LRRC31: variants seen among roughly 807,000 people sequenced by gnomAD.
LRRC31 encodes leucine rich repeat containing 31.
In LRRC31, 35 loss-of-function variants were observed where a neutral mutation model predicts 46.7. The ratio of observed to expected loss-of-function variants is 0.75; its 90% CI spans 0.57 to 0.99. LRRC31 has a LOEUF of 0.99. Among genes scored for constraint, LRRC31 ranks in the 50% least tolerant of loss-of-function variants. The pLI is 0.00. For synonymous variants in LRRC31, 236 were observed against 235.1 expected, an observed-to-expected ratio of 1.00 and a Z score of -0.03; for missense variants, 613 against 626.1, an observed-to-expected ratio of 0.98 and a Z score of 0.22.
rs1781167582 is a variant in LRRC31 at position 169,861,723 on chromosome 3, T to C, written c.266A>G (p.Lys89Arg). Residue 89 changes from lysine (K) to arginine (R), a missense_variant, in exon 2 of 9, where the codon AAG becomes AGG. Physicochemically the swap from Lys to Arg is conservative, Grantham distance 26. Transcript: ENST00000316428. The stretch of plus-strand genomic sequence containing the variant: ...TCCACAGTTATTCAAATCTAGACAC[T>C]TGTTGACAGCCTTTTTGCCCAGCTT... ...LQKLGKKAVN[K>R]CLDLNNCGLT... The C allele has an allele frequency of 6.2e-7, 1 of 1,614,064 alleles. No homozygotes were observed. The highest frequency in any genetic ancestry group is 1.1e-5 in the South Asian group (1 of 91,086).
At chr3:169,841,862 T>C (rs1298699978) in intron 8 of LRRC31, among the ~76,000 whole-genome samples, 2 of 151,512 alleles carry the variant, frequency 1.3e-5, no homozygotes, top group Non-Finnish European at 2.9e-5. Context: ...CTGGCCAAGA[T>C]AGTGAAACCC....
intron 8 of LRRC31, among the ~76,000 whole-genome samples, chr3:169,841,151 G>A (rs1339921343): frequency 1.3e-5 from 2 of 152,206 alleles, no homozygotes; most frequent in Admixed American, 1.3e-4. Context: ...GTTCTTTCAA[G>A]TTTGCCCCAG....
chr3:169,861,770 C>CTGGA lies in LRRC31; in HGVS notation c.218_219insTCCA (p.Glu73AspfsTer5). 2 of 1,614,176 alleles carry CTGGA rather than the reference C, an allele frequency of 1.2e-6. No individual in the cohort carries two copies. The highest frequency in any genetic ancestry group is 1.7e-5 in the Admixed American group (1 of 60,022). ...GCTTCTGCAGGAAATGCTCATTTTT[C>CTGGA]TCCATACTGGATCTCCATTCCATTT... On this transcript the variant is annotated frameshift_variant, in exon 2 of 9. Coordinates refer to ENST00000316428, the MANE Select transcript of LRRC31 (RefSeq NM_024727.4). LOFTEE classifies it high-confidence loss of function.
intron 3 of LRRC31, 148 bp from the exon 4 acceptor site, chr3:169,857,020 GA>G: frequency 4.8e-6 from 3 of 631,086 alleles, no homozygotes; most frequent in Non-Finnish European, 7.5e-6. Flanking sequence ...GAGAAGGAAA[GA>G]ACCCAATTCC....
At chr3:169,855,440 A>G (rs1454245079) in intron 5 of LRRC31, among the ~76,000 whole-genome samples, 1 of 152,196 alleles carries the variant, frequency 6.6e-6, no homozygotes, top group African/African-American at 2.4e-5. Flanking sequence ...GCTTCCTAAG[A>G]TCTGCATACA....
At chr3:169,855,955 G>A (rs113980855) in intron 5 of LRRC31, among the ~76,000 whole-genome samples, 3,211 of 151,842 alleles carry the variant, frequency 0.021, 51 homozygotes, top group Non-Finnish European at 0.036. Flanking sequence ...ACATCGGCTC[G>A]CTGCAACCTC....
rs1004777113 is a variant in LRRC31, at chr3:169,840,271, A to C, written c.1370T>G (p.Leu457Arg). 6.2e-7 allele frequency: 1 copy of C among 1,614,062 alleles called. No individual in the cohort carries two copies. Among genetic ancestry groups the C allele is most frequent in the African/African-American group, 1.3e-5 (1 of 74,918 alleles). The part of the protein sequence containing the change: ...QTGHLAKLQK[L>R]DLSYNDSICD... ...GATGCTGTCATTGTAGCTCAGGTCC[A>C]GCTTTTGCAGTTTGGCCAGATGACC... is the stretch of plus-strand genomic sequence containing the variant. The change falls in exon 9 of 9, where the codon CTG becomes CGG. Residue 457 changes from leucine to arginine, a missense_variant. Coordinates refer to ENST00000316428, the MANE Select transcript of LRRC31 (RefSeq NM_024727.4).
At chr3:169,846,510 C>T (rs1267496221) in intron 8 of LRRC31, among the ~76,000 whole-genome samples, 1 of 152,066 alleles carries the variant, frequency 6.6e-6, no homozygotes, top group Non-Finnish European at 1.5e-5. Context: ...ATTAGCCAGG[C>T]GTGGTGGCAT....
chr3:169,863,822 G>A (rs1781244970), intron 1 of LRRC31, among the ~76,000 whole-genome samples: 1 of 152,142 alleles, frequency 6.6e-6, no homozygotes, highest in Non-Finnish European at 1.5e-5. Flanking sequence ...TTTTGGGTGG[G>A]GCAGAGCAGA....
intron 8 of LRRC31, 88 bp from the exon 9 acceptor site, chr3:169,840,401 A>C: frequency 7.5e-7 from 1 of 1,325,902 alleles, no homozygotes; most frequent in Non-Finnish European, 1.1e-6. Flanking sequence ...ATCTCCAGGA[A>C]TAGTAATGAC....
chr3:169,867,834 C>T (rs186209955), intron 1 of LRRC31, among the ~76,000 whole-genome samples: 2 of 152,122 alleles, frequency 1.3e-5, no homozygotes, highest in African/African-American at 4.8e-5. Flanking sequence ...TTTTCATAAC[C>T]CTTGAATTTG....
At chr3:169,854,373 A>G (rs1179775666) in intron 6 of LRRC31, among the ~76,000 whole-genome samples, 1 of 152,230 alleles carries the variant, frequency 6.6e-6, no homozygotes, top group Admixed American at 6.5e-5. Flanking sequence ...CAAAGCAGTA[A>G]CGTACAGCCA....
At chr3:169,844,404 G>A (rs762570367) in intron 8 of LRRC31, among the ~76,000 whole-genome samples, 6 of 151,812 alleles carry the variant, frequency 4.0e-5, no homozygotes, top group East Asian at 1.9e-4. Context: ...GACAAAATTC[G>A]TTATAAGAAC....
chr3:169,865,437 C>T (rs116015252), intron 1 of LRRC31, among the ~76,000 whole-genome samples: 3,658 of 144,754 alleles, frequency 0.025, 75 homozygotes, highest in Non-Finnish European at 0.036. Flanking sequence ...CTTTTCCTAG[C>T]TGTGTTAGCT....
intron 6 of LRRC31, among the ~76,000 whole-genome samples, chr3:169,852,709 A>G (rs990974321): frequency 2.0e-4 from 30 of 152,194 alleles, no homozygotes; most frequent in African/African-American, 7.2e-4. Flanking sequence ...ACTATTACCA[A>G]GGCAGAAAAT....
chr3:169,863,351 G>A (rs1310730726), intron 1 of LRRC31, among the ~76,000 whole-genome samples: 1 of 152,220 alleles, frequency 6.6e-6, no homozygotes, highest in Non-Finnish European at 1.5e-5. Flanking sequence ...GTTCTGGAAT[G>A]AGCAGTAATA....
intron 3 of LRRC31, 69 bp from the exon 4 acceptor site, chr3:169,856,941 A>G: frequency 6.8e-7 from 1 of 1,464,284 alleles, no homozygotes; most frequent in Non-Finnish European, 9.3e-7. Context: ...TTTCAGAATC[A>G]GCACAACCAT....
At chr3:169,850,077 GT>G (rs1250891105) in intron 7 of LRRC31, among the ~76,000 whole-genome samples, 2 of 152,032 alleles carry the variant, frequency 1.3e-5, no homozygotes, top group Non-Finnish European at 2.9e-5. Flanking sequence ...TCTCACCAGT[GT>G]TTTTTATCAG....
At chr3:169,857,744 G>GTC (rs1378310335) in intron 3 of LRRC31, among the ~76,000 whole-genome samples, 1 of 152,084 alleles carries the variant, frequency 6.6e-6, no homozygotes, top group Non-Finnish European at 1.5e-5. Context: ...ATTCTGGCAA[G>GTC]TCCCCTGTAT....
Sources: gnomAD v4.1 joint callset for allele counts (sites outside exome capture counted in the v4.1 genomes callset) on GRCh38, gnomAD v4.1.1 for gene constraint, MANE v1.5 for transcripts, NCBI Gene and HGNC (gene_info 2026-07-23, HGNC 2026-07-21) for gene names.